TMPRSS13: variants seen among roughly 807,000 people sequenced by gnomAD.
TMPRSS13 encodes the protein transmembrane serine protease 13.
A neutral mutation model predicts 68.4 loss-of-function variants in TMPRSS13; 50 were observed. The observed-to-expected ratio is 0.73, with a 90% confidence interval of 0.58 to 0.93. The LOEUF (loss-of-function observed/expected upper bound fraction) is 0.93, where lower values mean the gene tolerates loss of function less well. Among genes scored for constraint, TMPRSS13 ranks in the 40% least tolerant of loss-of-function variants. The probability of loss-of-function intolerance (pLI) is 0.00; values close to 1 mark genes in which losing one functional copy is unlikely to be tolerated. For synonymous variants in TMPRSS13, 267 were observed against 285.8 expected, an observed-to-expected ratio of 0.93 and a Z score of 0.66; for missense variants, 615 against 729.2, an observed-to-expected ratio of 0.84 and a Z score of 1.80.
Position 117,902,163 on chromosome 11 carries a change from G to C in TMPRSS13, c.*76C>G. 1 of 1,567,110 alleles carries C rather than the reference G, an allele frequency of 6.4e-7. No individual in the cohort carries two copies. The highest frequency in any genetic ancestry group is 8.8e-7 in the Non-Finnish European group (1 of 1,141,518). On this transcript the variant is annotated 3_prime_UTR_variant, in exon 13 of 13. Coordinates refer to ENST00000524993, the MANE Select transcript of TMPRSS13 (RefSeq NM_001077263.3). ...GTGCCCGGTGGCCATTAGCCCAGAT[G>C]ATGCCACACATGGCCAGTCACCATG...
rs1043335024 is a variant in TMPRSS13 at position 117,901,055 on chromosome 11, G to C, written c.*1184C>G. The C allele has an allele frequency of 6.6e-6, 1 of 152,250 alleles. No homozygotes were observed. The highest frequency in any genetic ancestry group is 1.5e-5 in the Non-Finnish European group (1 of 68,048). The allele number at this position is 152,250 out of a possible 1,614,324, so 9.4% of individuals were successfully genotyped here. A position where few individuals can be genotyped will look rare whatever the true frequency, so the allele number is the denominator to read the frequency against. ...TTCAGCAGGGCTGCCTGGAAGGCAT[G>C]GGACCATGTTAGCTTTCTCTCCATA... On this transcript the variant is annotated 3_prime_UTR_variant, in exon 13 of 13. Coordinates refer to ENST00000524993, the MANE Select transcript of TMPRSS13 (RefSeq NM_001077263.3).
intron 6 of TMPRSS13, among the ~76,000 whole-genome samples, chr11:117,911,567 C>T (rs117771390): frequency 4.7e-4 from 72 of 152,264 alleles, no homozygotes; most frequent in Non-Finnish European, 7.1e-4. Flanking sequence ...TCCTCAGCAC[C>T]GAGCCTCAGA....
Position 117,913,828 on chromosome 11 carries a change from T to G in TMPRSS13, c.758A>C (p.Asn253Thr). Residue 253 changes from asparagine to threonine, a missense_variant, in exon 5 of 13, where the codon AAC (asparagine) becomes ACC (threonine). Transcript: ENST00000524993. ...SHQWLPICSS[N>T]WNDSYSEKTC... ...CTTCTCTGAGTAGGAGTCATTCCAG[T>G]TGCTGCTACAGATGGGAAGCCACTG... 1 of 1,614,130 alleles carries G rather than the reference T, an allele frequency of 6.2e-7. No homozygotes were observed. Among genetic ancestry groups the G allele is most frequent in the Non-Finnish European group, 8.5e-7 (1 of 1,180,010 alleles).
chr11:117,919,994 G>T (rs1361445945), intron 1 of TMPRSS13, among the ~76,000 whole-genome samples: 1 of 152,228 alleles, frequency 6.6e-6, no homozygotes, highest in East Asian at 1.9e-4. Flanking sequence ...AGGGCTGGGG[G>T]TTACCACAGG....
intron 1 of TMPRSS13, among the ~76,000 whole-genome samples, chr11:117,920,116 T>C (rs924950146): frequency 6.6e-6 from 1 of 152,150 alleles, no homozygotes; most frequent in Non-Finnish European, 1.5e-5. Context: ...AGTTTTCAGG[T>C]GCTCTGGGTT....
rs1591613579 is a variant in TMPRSS13, at chr11:117,902,119, T to G, written c.*120A>C. 1 of 1,033,732 alleles carries G rather than the reference T, an allele frequency of 9.7e-7. No individual in the cohort carries two copies. The highest frequency in any genetic ancestry group is 1.5e-6 in the Non-Finnish European group (1 of 683,504). The allele number at this position is 1,033,732 out of a possible 1,614,324, so 64.0% of individuals were successfully genotyped here. A position where few individuals can be genotyped will look rare whatever the true frequency, so the allele number is the denominator to read the frequency against. On this transcript the variant is annotated 3_prime_UTR_variant, in exon 13 of 13. Coordinates refer to ENST00000524993, the MANE Select transcript of TMPRSS13 (RefSeq NM_001077263.3). ...ACACACACACAGAGGCAGCAGACAG[T>G]GGAGGTGGGAGTCCGATGGTGCCCG... is the stretch of plus-strand genomic sequence containing the variant.
At chr11:117,927,651 G>A (rs1302383236) in intron 1 of TMPRSS13, among the ~76,000 whole-genome samples, 1 of 152,172 alleles carries the variant, frequency 6.6e-6, no homozygotes, top group Non-Finnish European at 1.5e-5. Flanking sequence ...GAAGGCACAA[G>A]CTCAGGTGAC....
At chr11:117,902,926 T>C (rs2057422446) in intron 12 of TMPRSS13, 1 of 997,584 alleles carries the variant, frequency 1.0e-6, no homozygotes, top group South Asian at 4.2e-5. Context: ...GTGGATCAAG[T>C]ATTCCAAAGG....
Position 117,905,967 on chromosome 11 carries a change from C to T in TMPRSS13, c.1283-231G>A, listed in dbSNP as rs552930908. On this transcript the variant is annotated intron_variant, in intron 9 of 12. Coordinates refer to ENST00000524993, the MANE Select transcript of TMPRSS13 (RefSeq NM_001077263.3). ...TGGGGGCTACCAGAGTCCTCAAAGC[C>T]GTTCTGATTTCAGTGGTTGCCCTGT... Among the ~76,000 whole-genome samples, 7 of 152,340 alleles carry T rather than the reference C, an allele frequency of 4.6e-5. No individual in the cohort carries two copies. The East Asian group carries it at 9.6e-4, about 21-fold the overall frequency.
At chr11:117,912,031 C>T (rs2057528318) in intron 5 of TMPRSS13, among the ~76,000 whole-genome samples, 171 bp from the exon 6 acceptor site, 1 of 152,094 alleles carries the variant, frequency 6.6e-6, no homozygotes, top group Admixed American at 6.5e-5. Flanking sequence ...TGCAGCCCCA[C>T]CCACATGCTC....
At chr11:117,905,565 G>T in intron 10 of TMPRSS13, 73 bp downstream of exon 10, 1 of 1,293,730 alleles carries the variant, frequency 7.7e-7, no homozygotes, top group Admixed American at 2.0e-5. Context: ...CAGACACATT[G>T]CTTACACACG....
rs1215860711 is a variant in TMPRSS13 at position 117,913,836 on chromosome 11, A to G, written c.750T>C (p.Cys250=). 10 of 1,614,096 alleles carry G rather than the reference A, an allele frequency of 6.2e-6. No individual in the cohort carries two copies. Among genetic ancestry groups the G allele is most frequent in the Non-Finnish European group, 8.5e-6 (10 of 1,180,008 alleles). ...AGTAGGAGTCATTCCAGTTGCTGCT[A>G]CAGATGGGAAGCCACTGATGGGAGG... ...SGSSHQWLPI[C]SSNWNDSYSE... The change falls in exon 5 of 13, where the codon TGT becomes TGC. Residue 250 remains cysteine (C), a synonymous_variant. Transcript: ENST00000524993.
At chr11:117,906,996 C>A (rs1168659090) in intron 9 of TMPRSS13, among the ~76,000 whole-genome samples, 8 of 152,160 alleles carry the variant, frequency 5.3e-5, no homozygotes, top group Non-Finnish European at 7.3e-5. Flanking sequence ...CTGCTTCCTG[C>A]CCAAAAGCCT....
chr11:117,908,777 C>A lies in TMPRSS13; in HGVS notation c.1117G>T (p.Glu373Ter). ...TAAHCFFVTR[E>*]KVLEGWKVYA... ...ACCTTCCAGCCCTCCAGGACCTTCT[C>A]CCGGGTCCTGCAAGAGCCACAAAGG... Residue 373 changes from glutamate (E) to a stop codon, truncating the protein, a stop_gained, in exon 9 of 13, where the codon GAG becomes TAG. Transcript: ENST00000524993. LOFTEE classifies it high-confidence loss of function. 6.2e-7 allele frequency: 1 copy of A among 1,603,514 alleles called. No individual in the cohort carries two copies. Among genetic ancestry groups the A allele is most frequent in the Non-Finnish European group, 8.5e-7 (1 of 1,175,668 alleles).
intron 7 of TMPRSS13, 115 bp downstream of exon 7, chr11:117,910,592 G>T: frequency 9.6e-7 from 1 of 1,044,166 alleles, no homozygotes; most frequent in Non-Finnish European, 1.4e-6. Flanking sequence ...TGCTGGCTAA[G>T]ACACTGTTCC....
At chr11:117,917,146 C>A (rs1357919218) in intron 3 of TMPRSS13, 24 bp downstream of exon 3, 1 of 1,599,956 alleles carries the variant, frequency 6.3e-7, no homozygotes, top group East Asian at 2.2e-5. Flanking sequence ...CAGAACCCAC[C>A]CCTGCACCCT....
Position 117,901,215 on chromosome 11 carries a change from C to A in TMPRSS13, c.*1024G>T, listed in dbSNP as rs778944745. Reference sequence around the variant, plus strand: ...CAGTCCACCTGGACCTCCCTGGGGCCCCTGGGAGCCTACGCGGGAACAGCA... The same window carrying A: ...CAGTCCACCTGGACCTCCCTGGGGCACCTGGGAGCCTACGCGGGAACAGCA... On this transcript the variant is annotated 3_prime_UTR_variant, in exon 13 of 13. Transcript: ENST00000524993. 3.3e-5 allele frequency: 5 copies of A among 152,596 alleles called. No homozygotes were observed. Among genetic ancestry groups the A allele is most frequent in the Admixed American group, 1.3e-4 (2 of 15,278 alleles). 9.5% of individuals were successfully genotyped at this position (152,596 alleles called of 1,614,324 possible).
At position 117,918,495 on chromosome 11, in the gene TMPRSS13, A is replaced by C; in HGVS notation, c.365T>G (p.Val122Gly). The stretch of plus-strand genomic sequence containing the variant: ...TACAGCCCCCACTGGTGTTGCTCTA[A>C]CAAGGTACACTCTGGTTGGGGAGGT... ...VTTSPTRVYL[V>G]RATPVGAVPI... Residue 122 changes from valine (V) to glycine (G), a missense_variant, in exon 2 of 13, where the codon GTT (valine) becomes GGT (glycine). Physicochemically the swap from Val to Gly is moderately radical, Grantham distance 109 (BLOSUM62 -3). Transcript: ENST00000524993. 1 of 1,614,210 alleles carries C rather than the reference A, an allele frequency of 6.2e-7. No individual in the cohort carries two copies. The highest frequency in any genetic ancestry group is 8.5e-7 in the Non-Finnish European group (1 of 1,180,024).
intron 1 of TMPRSS13, among the ~76,000 whole-genome samples, chr11:117,926,108 ACACC>A (rs1179577828): frequency 1.4e-5 from 2 of 147,476 alleles, no homozygotes; most frequent in Non-Finnish European, 3.0e-5. Flanking sequence ...TGAGGGATGC[ACACC>A]TGCAGAGGCA....
Sources: allele counts gnomAD v4.1 joint callset (sites outside exome capture counted in the v4.1 genomes callset), GRCh38; gene constraint gnomAD v4.1.1; transcripts MANE v1.5; gene names NCBI Gene and HGNC (gene_info 2026-07-23, HGNC 2026-07-21).